SCN3B: variants seen among roughly 807,000 people sequenced by gnomAD.
SCN3B encodes the protein sodium voltage-gated channel beta subunit 3.
In SCN3B, 11 loss-of-function variants were observed where a neutral mutation model predicts 25.4. The ratio of observed to expected loss-of-function variants is 0.43; its 90% CI spans 0.27 to 0.72. The LOEUF is 0.72. SCN3B is among the 30% of genes least tolerant of loss of function. The pLI is 0.18. For synonymous variants in SCN3B, 109 were observed against 110.7 expected, an observed-to-expected ratio of 0.99 and a Z score of 0.09; for missense variants, 218 against 278.3, an observed-to-expected ratio of 0.78 and a Z score of 1.54.
chr11:123,648,644 G>A (rs1390809835), intron 2 of SCN3B, among the ~76,000 whole-genome samples: 1 of 152,158 alleles, frequency 6.6e-6, no homozygotes, highest in East Asian at 1.9e-4. Context: ...TTGGAGGATG[G>A]CCTTTCTGAG....
chr11:123,645,861 T>A, intron 2 of SCN3B, 111 bp from the exon 3 acceptor site: 1 of 1,298,704 alleles, frequency 7.7e-7, no homozygotes, highest in Non-Finnish European at 1.1e-6. Context: ...GAAGGAAGAG[T>A]CATGAGGCCA....
At chr11:123,652,130 G>A (rs1473766186) in intron 2 of SCN3B, among the ~76,000 whole-genome samples, 1 of 152,204 alleles carries the variant, frequency 6.6e-6, no homozygotes, top group Non-Finnish European at 1.5e-5. Flanking sequence ...GAAAGTCTCT[G>A]CAGAGTCTCA....
chr11:123,643,485 T>C (rs1446403824), intron 3 of SCN3B, among the ~76,000 whole-genome samples: 1 of 152,246 alleles, frequency 6.6e-6, no homozygotes. Flanking sequence ...TTAAATTCAA[T>C]TTCTTAGAAG....
chr11:123,652,650 T>A (rs3862614), intron 2 of SCN3B, among the ~76,000 whole-genome samples: 23,894 of 152,200 alleles, frequency 0.16, 1,970 homozygotes, highest in Admixed American at 0.22. Context: ...TATTGATTTT[T>A]GCACGGAGAA....
chr11:123,636,170 GCTATTGTAA>G (rs1387878244), intron 5 of SCN3B, among the ~76,000 whole-genome samples: 1 of 152,046 alleles, frequency 6.6e-6, no homozygotes, highest in Non-Finnish European at 1.5e-5. Context: ...AGTACTTCTT[GCTATTGTAA>G]CTTTAAAAGC....
At chr11:123,638,503 C>T in intron 4 of SCN3B, 179 bp from the exon 5 acceptor site, 1 of 794,644 alleles carries the variant, frequency 1.3e-6, no homozygotes, top group Non-Finnish European at 2.0e-6. Context: ...CTGTCATCAG[C>T]TGCTCAGGAG....
At position 123,633,733 on chromosome 11, in the gene SCN3B, A is replaced by G. The variant is rs769076635; in HGVS notation, c.*66T>C. The G allele has an allele frequency of 6.8e-6, 2 of 296,252 alleles. No individual in the cohort carries two copies. Among genetic ancestry groups the G allele is most frequent in the South Asian group, 6.9e-5 (2 of 28,916 alleles). The allele number at this position is 296,252 out of a possible 1,614,324, so 18.4% of individuals were successfully genotyped here. On this transcript the variant is annotated 3_prime_UTR_variant, in exon 7 of 7. Transcript: ENST00000299333. ...GGGGCGCCCTCCTGATGCCATTGAC[A>G]TTGCTGAACATGGGATGTCCAGTCC... is the stretch of plus-strand genomic sequence containing the variant.
At chr11:123,640,698 AAG>A (rs1404774722) in intron 4 of SCN3B, 1 of 152,008 alleles carries the variant, frequency 6.6e-6, no homozygotes, top group East Asian at 1.9e-4. Flanking sequence ...CAGCCACAAA[AAG>A]AGGGGCACCA....
chr11:123,648,035 A>G (rs779671443), intron 2 of SCN3B, among the ~76,000 whole-genome samples: 2 of 152,242 alleles, frequency 1.3e-5, no homozygotes, highest in Non-Finnish European at 2.9e-5. Context: ...AGATCTGATT[A>G]AACAAAAAGG....
rs1397080886 is a variant in SCN3B at position 123,633,609 on chromosome 11, G to A, written c.*190C>T. 1 of 210,308 alleles carries A rather than the reference G, an allele frequency of 4.8e-6. No individual in the cohort carries two copies. The highest frequency in any genetic ancestry group is 9.7e-6 in the Non-Finnish European group (1 of 103,226). 13.0% of individuals were successfully genotyped at this position (210,308 alleles called of 1,614,324 possible). ...TCTTATGGTGCGTAGAGGTCTGATG[G>A]AGTTAGGGAGTCAGAGGTGAAAGCT... On this transcript the variant is annotated 3_prime_UTR_variant, in exon 7 of 7. Coordinates refer to ENST00000299333, the MANE Select transcript of SCN3B (RefSeq NM_001040151.2).
At chr11:123,633,997 C>A in intron 6 of SCN3B, 124 bp downstream of exon 6, 1 of 748,072 alleles carries the variant, frequency 1.3e-6, no homozygotes, top group Non-Finnish European at 2.3e-6. Flanking sequence ...GGGCGGGGAC[C>A]CCAGGCAGGG....
chr11:123,645,793 G>T (rs1447763970), intron 2 of SCN3B, 43 bp from the exon 3 acceptor site: 19 of 1,603,356 alleles, frequency 1.2e-5, no homozygotes, highest in Admixed American at 3.3e-5. Flanking sequence ...AGCAGGTGGT[G>T]GGGGAGGGGC....
chr11:123,632,065 A>G lies in SCN3B; in HGVS notation c.*1734T>C, dbSNP rs1363622306. ...CCCCTCTCTTGTCCCTGGGTGCTGAAGGATGTCACACTTGGACCTGTCACT... is the reference window on the plus strand; with the variant it reads ...CCCCTCTCTTGTCCCTGGGTGCTGAGGGATGTCACACTTGGACCTGTCACT... On this transcript the variant is annotated 3_prime_UTR_variant, in exon 7 of 7. Coordinates refer to ENST00000299333, the MANE Select transcript of SCN3B (RefSeq NM_001040151.2). 6.6e-6 allele frequency: 1 copy of G among 152,182 alleles called. No homozygotes were observed. The highest frequency in any genetic ancestry group is 1.5e-5 in the Non-Finnish European group (1 of 68,032). The allele number at this position is 152,182 out of a possible 1,614,324, so 9.4% of individuals were successfully genotyped here.
chr11:123,634,088 T>C (rs1955699732), intron 6 of SCN3B, 33 bp downstream of exon 6: 1 of 1,545,090 alleles, frequency 6.5e-7, no homozygotes. Context: ...GCCATCCACA[T>C]CTGCCTTCCC....
At chr11:123,652,974 C>G (rs547115246) in intron 2 of SCN3B, among the ~76,000 whole-genome samples, 1 of 152,336 alleles carries the variant, frequency 6.6e-6, no homozygotes, top group East Asian at 1.9e-4. Flanking sequence ...CTCTGACACT[C>G]TCTTCAGCCT....
rs1955651041 is a variant in SCN3B, at chr11:123,630,092, A to G, written c.*3707T>C. 1 of 152,180 alleles carries G rather than the reference A, an allele frequency of 6.6e-6. No individual in the cohort carries two copies. Among genetic ancestry groups the G allele is most frequent in the Admixed American group, 6.5e-5 (1 of 15,288 alleles). The allele number at this position is 152,180 out of a possible 1,614,324, so 9.4% of individuals were successfully genotyped here. A position where few individuals can be genotyped will look rare whatever the true frequency, so the allele number is the denominator to read the frequency against. On this transcript the variant is annotated 3_prime_UTR_variant, in exon 7 of 7. Coordinates refer to ENST00000299333, the MANE Select transcript of SCN3B (RefSeq NM_001040151.2). ...TCCTGCTTTGAAAAGTAACTTTCCT[A>G]GTAATATTTCTAGTTGGACATCTAA...
chr11:123,646,570 G>C (rs1405720355), intron 2 of SCN3B, among the ~76,000 whole-genome samples: 2 of 152,240 alleles, frequency 1.3e-5, no homozygotes, highest in African/African-American at 4.8e-5. Flanking sequence ...ATGCAGAGGA[G>C]TATAGCAAGG....
chr11:123,638,037 T>C, intron 5 of SCN3B, 149 bp downstream of exon 5: 1 of 961,892 alleles, frequency 1.0e-6, no homozygotes, highest in African/African-American at 1.6e-5. Flanking sequence ...TTCTCATCTG[T>C]AAAATGGGTA....
At position 123,630,032 on chromosome 11, in the gene SCN3B, A is replaced by G. The variant is rs1179322406; in HGVS notation, c.*3767T>C. On this transcript the variant is annotated 3_prime_UTR_variant, in exon 7 of 7. Transcript: ENST00000299333. ...TTTGATCCAATAATTTTGGGGAGAG[A>G]GGAGGGAGTTGCTGTCTCCTACTTC... is the stretch of plus-strand genomic sequence containing the variant. The G allele has an allele frequency of 6.6e-6, 1 of 152,110 alleles. No individual in the cohort carries two copies. The highest frequency in any genetic ancestry group is 1.5e-5 in the Non-Finnish European group (1 of 68,038). 9.4% of individuals were successfully genotyped at this position (152,110 alleles called of 1,614,324 possible).
Sources: allele counts gnomAD v4.1 joint callset (sites outside exome capture counted in the v4.1 genomes callset), GRCh38; gene constraint gnomAD v4.1.1; transcripts MANE v1.5; gene names NCBI Gene and HGNC (gene_info 2026-07-23, HGNC 2026-07-21).